FAT3: variants seen among roughly 807,000 people sequenced by gnomAD.
FAT3 encodes the protein protocadherin Fat 3.
Under a neutral mutation model 310.2 loss-of-function variants are expected in FAT3, and 95 were observed. The ratio of observed to expected loss-of-function variants is 0.31; its 90% CI spans 0.26 to 0.36. FAT3 has a LOEUF of 0.36. Among genes scored for constraint, FAT3 ranks in the 10% least tolerant of loss-of-function variants. The pLI is 1.00. For missense variants in FAT3, 5,408 were observed against 5,715.6 expected, an observed-to-expected ratio of 0.95 and a Z score of 1.74; for synonymous variants, 2,314 against 2,192.9, an observed-to-expected ratio of 1.06 and a Z score of -1.54.
chr11:92,872,103 T>G (rs1949407310), intron 22 of FAT3, among the ~76,000 whole-genome samples: 1 of 152,170 alleles, frequency 6.6e-6, no homozygotes, highest in African/African-American at 2.4e-5. Flanking sequence ...GCCTGTCAAG[T>G]TGGATGAAAC....
intron 2 of FAT3, among the ~76,000 whole-genome samples, chr11:92,412,702 GATATAT>G (rs758587642): frequency 0.014 from 186 of 13,454 alleles, 7 homozygotes; most frequent in African/African-American, 0.021. Context: ...TGATGGTGGT[GATATAT>G]ATATATATAT....
chr11:92,251,142 T>C (rs547997242), intron 1 of FAT3, among the ~76,000 whole-genome samples: 1 of 152,302 alleles, frequency 6.6e-6, no homozygotes, highest in Non-Finnish European at 1.5e-5. Flanking sequence ...GCATTACTAT[T>C]AATTAAAAAC....
chr11:92,395,224 T>A (rs2134833086), intron 2 of FAT3, among the ~76,000 whole-genome samples: 1 of 152,356 alleles, frequency 6.6e-6, no homozygotes, highest in South Asian at 2.1e-4. Context: ...GCTGAACGAC[T>A]TGAGTTTAAA....
intron 4 of FAT3, among the ~76,000 whole-genome samples, chr11:92,730,369 T>C (rs1337214689): frequency 6.6e-6 from 1 of 152,174 alleles, no homozygotes; most frequent in Non-Finnish European, 1.5e-5. Flanking sequence ...AAAATTTTGA[T>C]ATATAAACTC....
intron 22 of FAT3, among the ~76,000 whole-genome samples, chr11:92,879,654 A>G (rs1949626848): frequency 6.6e-6 from 1 of 152,208 alleles, no homozygotes; most frequent in Non-Finnish European, 1.5e-5. Flanking sequence ...CAAAATTATA[A>G]TACTATAATA....
At chr11:92,584,557 G>A (rs1939032433) in intron 3 of FAT3, among the ~76,000 whole-genome samples, 1 of 152,016 alleles carries the variant, frequency 6.6e-6, no homozygotes, top group Non-Finnish European at 1.5e-5. Context: ...TGTTGAGTTA[G>A]TGTTTCACTT....
chr11:92,851,506 G>A (rs146238114), intron 19 of FAT3, among the ~76,000 whole-genome samples: 4 of 152,244 alleles, frequency 2.6e-5, no homozygotes, highest in African/African-American at 9.6e-5. Flanking sequence ...CCAGGTCTGC[G>A]TCTATGTCAA....
chr11:92,388,279 C>T (rs1941427), intron 2 of FAT3, among the ~76,000 whole-genome samples: 3,297 of 152,200 alleles, frequency 0.022, 51 homozygotes, highest in Non-Finnish European at 0.03. Flanking sequence ...TCTTCCTTCT[C>T]CTTTCCCTCA....
intron 13 of FAT3, among the ~76,000 whole-genome samples, chr11:92,816,709 C>T (rs1947834908): frequency 6.6e-6 from 1 of 152,168 alleles, no homozygotes. Context: ...GGTGTGGTGG[C>T]TCATGCCTGT....
intron 7 of FAT3, among the ~76,000 whole-genome samples, chr11:92,788,998 G>T (rs2136152721): frequency 6.6e-6 from 1 of 152,222 alleles, no homozygotes; most frequent in African/African-American, 2.4e-5. Flanking sequence ...AAAAGATTAT[G>T]AATATATATA....
At chr11:92,276,988 A>G (rs1414248539) in intron 1 of FAT3, among the ~76,000 whole-genome samples, 1 of 152,078 alleles carries the variant, frequency 6.6e-6, no homozygotes, top group African/African-American at 2.4e-5. Context: ...CCTGTGACTC[A>G]CTGATTGCTT....
chr11:92,589,134 C>T (rs1470873286), intron 3 of FAT3, among the ~76,000 whole-genome samples: 1 of 151,950 alleles, frequency 6.6e-6, no homozygotes, highest in African/African-American at 2.4e-5. Context: ...GGGTCATAGG[C>T]ATGTCCATGT....
chr11:92,645,146 G>A (rs1942102762), intron 3 of FAT3, among the ~76,000 whole-genome samples: 1 of 152,120 alleles, frequency 6.6e-6, no homozygotes, highest in African/African-American at 2.4e-5. Context: ...CCAAATGTAA[G>A]ATAAAAAACA....
chr11:92,280,257 G>C lies in FAT3; in HGVS notation c.-18+55083G>C, dbSNP rs539367987. ...ATCATACAGATTTAATATGACAAAA[G>C]CCTGTTCTTATAGCAGCTATGAACA... On this transcript the variant is annotated intron_variant, in intron 1 of 27. Coordinates refer to ENST00000525166, the MANE Select transcript of FAT3 (RefSeq NM_001367949.2). Among the ~76,000 whole-genome samples the C allele has an allele frequency of 1.3e-5, 2 of 152,086 alleles. 1 individual carries two copies. The highest frequency in any genetic ancestry group is 4.1e-4 in the South Asian group (2 of 4,828).
intron 1 of FAT3, among the ~76,000 whole-genome samples, chr11:92,327,351 C>T (rs1941441): frequency 0.36 from 54,335 of 151,678 alleles, 14,045 homozygotes; most frequent in African/African-American, 0.74. Context: ...ATATTGTGAT[C>T]GCAAAACTAG....
intron 3 of FAT3, among the ~76,000 whole-genome samples, chr11:92,673,848 G>C (rs757017980): frequency 6.6e-6 from 1 of 152,030 alleles, no homozygotes; most frequent in Non-Finnish European, 1.5e-5. Context: ...ACTTCCAGGA[G>C]GATAAGATTG....
chr11:92,866,463 A>G (rs918223899), intron 21 of FAT3, among the ~76,000 whole-genome samples: 3 of 152,242 alleles, frequency 2.0e-5, no homozygotes, highest in Non-Finnish European at 4.4e-5. Context: ...TAAAGACCCA[A>G]GGAGTAGAAA....
intron 1 of FAT3, among the ~76,000 whole-genome samples, chr11:92,298,456 T>G (rs1418119676): frequency 2.0e-5 from 3 of 152,130 alleles, no homozygotes; most frequent in Admixed American, 2.0e-4. Flanking sequence ...TCACATCTCC[T>G]TTATGTGTCT....
At chr11:92,852,470 T>A (rs994876644) in intron 19 of FAT3, among the ~76,000 whole-genome samples, 1 of 152,110 alleles carries the variant, frequency 6.6e-6, no homozygotes, top group African/African-American at 2.4e-5. Context: ...AGAGCCCAAA[T>A]GTTTATGGCT....
Sources: gnomAD v4.1 joint callset for allele counts (sites outside exome capture counted in the v4.1 genomes callset) on GRCh38, gnomAD v4.1.1 for gene constraint, MANE v1.5 for transcripts, NCBI Gene and HGNC (gene_info 2026-07-23, HGNC 2026-07-21) for gene names.